Variants in ZFPM1 observed in about 807,000 individuals in gnomAD.
ZFPM1 encodes the protein zinc finger protein ZFPM1.
A neutral mutation model predicts 46.3 loss-of-function variants in ZFPM1; 28 were observed. That is an observed-to-expected ratio of 0.60 (90% CI 0.45 to 0.83). The LOEUF is 0.83. Among genes scored for constraint, ZFPM1 ranks in the 40% least tolerant of loss-of-function variants. The pLI is 0.00. For synonymous variants in ZFPM1, 957 were observed against 675.9 expected (o/e 1.42, Z -6.45); for missense variants, 1,878 against 1,432.4 (o/e 1.31, Z -5.02).
chr16:88,503,129 G>A (rs1910463585), intron 3 of ZFPM1, among the ~76,000 whole-genome samples: 1 of 152,246 alleles, frequency 6.6e-6, no homozygotes, highest in South Asian at 2.1e-4. Context: ...TTGATTCAGG[G>A]GCCAGTGGGG....
intron 1 of ZFPM1, among the ~76,000 whole-genome samples, chr16:88,454,846 G>T (rs1168603455): frequency 6.6e-6 from 1 of 152,138 alleles, no homozygotes. Flanking sequence ...CTGCCCAGCC[G>T]TAGGCGCCCG....
chr16:88,494,028 A>T (rs374174347), intron 3 of ZFPM1, among the ~76,000 whole-genome samples: 1 of 152,114 alleles, frequency 6.6e-6, no homozygotes, highest in East Asian at 1.9e-4. Context: ...TAAAATGGAC[A>T]TAAGGAAAGC....
intron 4 of ZFPM1, among the ~76,000 whole-genome samples, chr16:88,518,565 G>A (rs1211514103): frequency 6.7e-6 from 1 of 150,140 alleles, no homozygotes; most frequent in Admixed American, 6.6e-5. Flanking sequence ...ATGGAAGGAT[G>A]GATAGTGGGT....
intron 4 of ZFPM1, 35 bp from the exon 5 acceptor site, chr16:88,526,779 A>T (rs1420428385): frequency 2.2e-5 from 33 of 1,489,696 alleles, no homozygotes; most frequent in Non-Finnish European, 2.5e-5. Flanking sequence ...CTGCTGACGG[A>T]CCCCTCCCCA....
intron 3 of ZFPM1, among the ~76,000 whole-genome samples, chr16:88,512,553 C>T (rs1911029868): frequency 6.6e-6 from 1 of 151,654 alleles, no homozygotes; most frequent in Non-Finnish European, 1.5e-5. Context: ...CCCCGCCCTG[C>T]CCCCCAGGCC....
chr16:88,532,320 G>A, intron 7 of ZFPM1, 85 bp downstream of exon 7: 1 of 1,307,060 alleles, frequency 7.7e-7, no homozygotes, highest in Non-Finnish European at 1.0e-6. Context: ...AAACCCACAT[G>A]CAAGCACACA....
chr16:88,460,072 C>A (rs555480945), intron 1 of ZFPM1, among the ~76,000 whole-genome samples: 2 of 151,920 alleles, frequency 1.3e-5, no homozygotes, highest in South Asian at 2.1e-4. Flanking sequence ...GGCTGTGTGG[C>A]CTTGGCATAC....
At chr16:88,458,343 G>C (rs914016813) in intron 1 of ZFPM1, among the ~76,000 whole-genome samples, 1 of 152,200 alleles carries the variant, frequency 6.6e-6, no homozygotes, top group Non-Finnish European at 1.5e-5. Flanking sequence ...CTGCAAGGGG[G>C]AGGGGGTCCC....
chr16:88,529,136 C>T (rs1044431579), intron 6 of ZFPM1, among the ~76,000 whole-genome samples: 1 of 152,152 alleles, frequency 6.6e-6, no homozygotes, highest in African/African-American at 2.4e-5. Flanking sequence ...AAAAATGAGC[C>T]GAGGGTGATG....
upstream of ZFPM1, among the ~76,000 whole-genome samples, chr16:88,452,646 G>C (rs1000499150): frequency 6.6e-6 from 1 of 152,270 alleles, no homozygotes; most frequent in Non-Finnish European, 1.5e-5. Context: ...TCAAGGCCTC[G>C]GGCTTCCTGA....
rs74035541 is a variant in ZFPM1 at position 88,529,248 on chromosome 16, C to G, written c.712+1010C>G. Among the ~76,000 whole-genome samples, 231 of 152,356 alleles carry G rather than the reference C, an allele frequency of 1.5e-3. 3 individuals are homozygous for G. Among genetic ancestry groups the G allele is most frequent in the African/African-American group, 5.5e-3 (227 of 41,580 alleles). ...CAGCAAGTCTGGCTCCGGCCAGCGG[C>G]TGGGGCTTCCCAGGGGAACAGGGAC... is the stretch of plus-strand genomic sequence containing the variant. On this transcript the variant is annotated intron_variant, in intron 6 of 9. Coordinates refer to ENST00000319555, the MANE Select transcript of ZFPM1 (RefSeq NM_153813.3).
intron 4 of ZFPM1, among the ~76,000 whole-genome samples, chr16:88,515,283 T>C (rs2142433828): frequency 6.6e-6 from 1 of 152,310 alleles, no homozygotes; most frequent in African/African-American, 2.4e-5. Context: ...GGCAGACGCA[T>C]GTCCCAGGCC....
chr16:88,475,872 C>T (rs1162626201), intron 1 of ZFPM1, among the ~76,000 whole-genome samples: 1 of 152,156 alleles, frequency 6.6e-6, no homozygotes, highest in Non-Finnish European at 1.5e-5. Context: ...CCCTGGACGG[C>T]TGCTCAGCCT....
At chr16:88,506,862 G>A (rs1910690410) in intron 3 of ZFPM1, among the ~76,000 whole-genome samples, 3 of 152,170 alleles carry the variant, frequency 2.0e-5, no homozygotes, top group African/African-American at 4.8e-5. Context: ...CCAAGCTCTG[G>A]TGCATCCATG....
At chr16:88,489,393 C>T in intron 3 of ZFPM1, 1 of 516,826 alleles carries the variant, frequency 1.9e-6, no homozygotes, top group Non-Finnish European at 3.2e-6. Flanking sequence ...TGGGGGGTTC[C>T]CTGGATCAGA....
chr16:88,485,239 C>G (rs1415591217), intron 1 of ZFPM1, among the ~76,000 whole-genome samples: 1 of 152,140 alleles, frequency 6.6e-6, no homozygotes, highest in African/African-American at 2.4e-5. Context: ...TCCAGGGCTG[C>G]CAGAGCAGGT....
chr16:88,527,058 A>T (rs1912394497), intron 5 of ZFPM1, 142 bp downstream of exon 5: 1 of 1,336,072 alleles, frequency 7.5e-7, no homozygotes, highest in Non-Finnish European at 1.0e-6. Flanking sequence ...CGGGCGCTGC[A>T]GCATGAGGCA....
chr16:88,510,482 C>T (rs976814136), intron 3 of ZFPM1, among the ~76,000 whole-genome samples: 1 of 152,252 alleles, frequency 6.6e-6, no homozygotes, highest in Admixed American at 6.5e-5. Context: ...GCTGGAACTT[C>T]TCATTTGGTT....
chr16:88,500,785 G>A (rs905864948), intron 3 of ZFPM1, among the ~76,000 whole-genome samples: 1 of 152,232 alleles, frequency 6.6e-6, no homozygotes, highest in Admixed American at 6.5e-5. Flanking sequence ...CTGGGGCAGG[G>A]CAGGGCCCAC....
Sources: gnomAD v4.1 joint callset for allele counts (sites outside exome capture counted in the v4.1 genomes callset) on GRCh38, gnomAD v4.1.1 for gene constraint, MANE v1.5 for transcripts, NCBI Gene and HGNC (gene_info 2026-07-23, HGNC 2026-07-21) for gene names.